Variants in SLCO2A1 observed in about 807,000 individuals in gnomAD.
The protein encoded by SLCO2A1 is solute carrier organic anion transporter family member 2A1.
Under a neutral mutation model 71.7 loss-of-function variants are expected in SLCO2A1, and 60 were observed. The observed-to-expected ratio is 0.84, with a 90% CI of 0.68 to 1.04. SLCO2A1 has a LOEUF of 1.04. SLCO2A1 is among the 50% of genes least tolerant of loss of function. The probability of loss-of-function intolerance (pLI) is 0.00; values close to 1 mark genes in which losing one functional copy is unlikely to be tolerated. For missense variants in SLCO2A1, 745 were observed against 813.4 expected (o/e 0.92, Z 1.02); for synonymous variants, 308 against 326.7 (o/e 0.94, Z 0.62).
At chr3:133,938,360 G>T in intron 12 of SLCO2A1, 69 bp downstream of exon 12, 2 of 1,345,166 alleles carry the variant, frequency 1.5e-6, no homozygotes, top group Non-Finnish European at 2.1e-6. Context: ...TCGCTACCCT[G>T]CACCCATAGC....
chr3:133,958,447 G>A (rs1933946015), intron 3 of SLCO2A1, among the ~76,000 whole-genome samples: 1 of 152,206 alleles, frequency 6.6e-6, no homozygotes, highest in African/African-American at 2.4e-5. Context: ...CCCCAGGTGG[G>A]TAAGAGTTTA....
chr3:134,005,481 A>T (rs1401102368), intron 1 of SLCO2A1, among the ~76,000 whole-genome samples: 1 of 133,916 alleles, frequency 7.5e-6, no homozygotes. Flanking sequence ...ATGTGTTATA[A>T]TTTTTTTTTT....
At chr3:133,984,987 C>T (rs769595908) in intron 1 of SLCO2A1, among the ~76,000 whole-genome samples, 6 of 152,152 alleles carry the variant, frequency 3.9e-5, no homozygotes, top group Admixed American at 2.6e-4. Flanking sequence ...GCCACCTGCC[C>T]GTCCCACACC....
At chr3:133,941,909 C>G (rs1933433181) in intron 11 of SLCO2A1, among the ~76,000 whole-genome samples, 1 of 152,234 alleles carries the variant, frequency 6.6e-6, no homozygotes, top group African/African-American at 2.4e-5. Context: ...ACAGGCATTT[C>G]CATGGTGTGG....
At position 133,965,056 on chromosome 3, in the gene SLCO2A1, C is replaced by G. The variant is rs189240518; in HGVS notation, c.397+8607G>C. ...TGAGCTTAATTAGTACTCCCCCACC[C>G]TGATGGGTGTGAGATAGAATTTATT... On this transcript the variant is annotated intron_variant, in intron 3 of 13. Coordinates refer to ENST00000310926, the MANE Select transcript of SLCO2A1 (RefSeq NM_005630.3). Among the ~76,000 whole-genome samples the G allele has an allele frequency of 3.8e-4, 58 of 152,262 alleles. 1 individual carries two copies. In the East Asian group the frequency reaches 0.011, roughly 29 times the overall value.
Position 133,971,561 on chromosome 3 carries a change from A to G in SLCO2A1, c.397+2102T>C, listed in dbSNP as rs577343245. On this transcript the variant is annotated intron_variant, in intron 3 of 13. Transcript: ENST00000310926. ...TTCCAGGCACTTCGTTCTCTCCATC[A>G]CTGGCCTGACAATCTTAAGGGCTGC... Among the ~76,000 whole-genome samples the G allele has an allele frequency of 2.6e-5, 4 of 152,256 alleles. No individual in the cohort carries two copies. In the South Asian group the frequency reaches 8.3e-4, roughly 32 times the overall value.
At chr3:134,025,720 C>G (rs1382828809) in intron 1 of SLCO2A1, among the ~76,000 whole-genome samples, 6 of 152,084 alleles carry the variant, frequency 3.9e-5, no homozygotes, top group Admixed American at 2.6e-4. Context: ...CCTTCCTGTA[C>G]TAAGGGACAA....
chr3:133,942,767 ATCT>A lies in SLCO2A1; in HGVS notation c.1462-2_1462del. On this transcript the variant is annotated splice_acceptor_variant and coding_sequence_variant, in exon 11 of 14. Transcript: ENST00000310926. LOFTEE classifies it high-confidence loss of function. ...GGTCACACAGCTGCAGTTCAAATAG[ATCT>A]TCAAGAGGAAGGGGAGGGAAAAAGG... is the stretch of plus-strand genomic sequence containing the variant. The A allele has an allele frequency of 6.3e-7, 1 of 1,599,012 alleles. No homozygotes were observed. Among genetic ancestry groups the A allele is most frequent in the Non-Finnish European group, 8.5e-7 (1 of 1,171,530 alleles).
chr3:134,008,801 T>G (rs1935275161), intron 1 of SLCO2A1, among the ~76,000 whole-genome samples: 2 of 152,230 alleles, frequency 1.3e-5, no homozygotes. Context: ...CTTCTTGATC[T>G]TCCCAGAAAG....
chr3:133,987,242 G>A (rs375969331), intron 1 of SLCO2A1, among the ~76,000 whole-genome samples: 26 of 149,348 alleles, frequency 1.7e-4, no homozygotes, highest in East Asian at 1.6e-3. Context: ...TTCAGGTCTC[G>A]ACAGGAAGTG....
In SLCO2A1 at chr3:133,951,205, T is replaced by C; in HGVS notation, c.861+3A>G. Reference sequence around the variant, plus strand: ...GTAGAGTCATGGGCTCTTGGAACCTTACCTTTGCTCCTATGGGCATTGCTC... The same window carrying C: ...GTAGAGTCATGGGCTCTTGGAACCTCACCTTTGCTCCTATGGGCATTGCTC... On this transcript the variant is annotated splice_donor_region_variant and intron_variant, in intron 6 of 13. Transcript: ENST00000310926. 1 of 1,614,062 alleles carries C rather than the reference T, an allele frequency of 6.2e-7. No individual in the cohort carries two copies. The highest frequency in any genetic ancestry group is 8.5e-7 in the Non-Finnish European group (1 of 1,180,004).
chr3:134,014,118 A>C (rs757588412), intron 1 of SLCO2A1, among the ~76,000 whole-genome samples: 2 of 152,198 alleles, frequency 1.3e-5, no homozygotes, highest in Non-Finnish European at 2.9e-5. Flanking sequence ...TTGGGTAAAC[A>C]AAATGAAACT....
rs199895359 is a variant in SLCO2A1, at chr3:133,938,462, T to C, written c.1657A>G (p.Ile553Val). 154 of 1,614,120 alleles carry C rather than the reference T, an allele frequency of 9.5e-5. 1 individual carries two copies. In the East Asian group the frequency reaches 2.8e-3, roughly 30 times the overall value. ...VVNQEEKSFA[I>V]GVQFLLMRLL... ...CGCATCAACAAGAACTGCACCCCGA[T>C]GGCAAATGACTTTTCCTCCTGGTTC... The change falls in exon 12 of 14, where the codon ATC becomes GTC. Residue 553 changes from isoleucine (I) to valine (V), a missense_variant. Physicochemically the swap from Ile to Val is conservative, Grantham distance 29. Coordinates refer to ENST00000310926, the MANE Select transcript of SLCO2A1 (RefSeq NM_005630.3).
At chr3:134,006,642 T>C (rs1935222075) in intron 1 of SLCO2A1, among the ~76,000 whole-genome samples, 1 of 152,250 alleles carries the variant, frequency 6.6e-6, no homozygotes, top group Non-Finnish European at 1.5e-5. Context: ...TATTGTAGCA[T>C]GTGTCAGAAT....
intron 11 of SLCO2A1, among the ~76,000 whole-genome samples, chr3:133,939,294 C>T (rs1933356354): frequency 6.6e-6 from 1 of 152,156 alleles, no homozygotes; most frequent in South Asian, 2.1e-4. Context: ...GCCATCCCAG[C>T]TGGGGAGTGG....
chr3:133,968,373 A>C (rs1244558996), intron 3 of SLCO2A1, among the ~76,000 whole-genome samples: 1 of 151,942 alleles, frequency 6.6e-6, no homozygotes, highest in African/African-American at 2.4e-5. Flanking sequence ...CTCACACCAT[A>C]GGTGGGTGTT....
At chr3:133,967,492 A>G (rs1199686506) in intron 3 of SLCO2A1, among the ~76,000 whole-genome samples, 2 of 152,018 alleles carry the variant, frequency 1.3e-5, no homozygotes, top group Non-Finnish European at 2.9e-5. Flanking sequence ...CTCCATGTTT[A>G]TTTCTATTCT....
intron 1 of SLCO2A1, among the ~76,000 whole-genome samples, chr3:133,995,481 T>C (rs1367488352): frequency 2.0e-5 from 3 of 152,208 alleles, no homozygotes; most frequent in African/African-American, 7.2e-5. Flanking sequence ...CCTCAGGTGA[T>C]GTTTTGTCTC....
intron 3 of SLCO2A1, among the ~76,000 whole-genome samples, chr3:133,959,977 G>A (rs1933996688): frequency 6.6e-6 from 1 of 152,034 alleles, no homozygotes; most frequent in Non-Finnish European, 1.5e-5. Context: ...AAAATTAGGT[G>A]GGCATGGTGG....
Sources: allele counts gnomAD v4.1 joint callset (sites outside exome capture counted in the v4.1 genomes callset), GRCh38; gene constraint gnomAD v4.1.1; transcripts MANE v1.5; gene names NCBI Gene and HGNC (gene_info 2026-07-23, HGNC 2026-07-21).